MSH3: variants seen among roughly 807,000 people sequenced by gnomAD.
MSH3 encodes DNA mismatch repair protein Msh3.
A neutral mutation model predicts 123.3 loss-of-function variants in MSH3; 106 were observed. The ratio of observed to expected loss-of-function variants is 0.86; its 90% CI spans 0.73 to 1.01. The LOEUF (loss-of-function observed/expected upper bound fraction) is 1.01, where lower values mean the gene tolerates loss of function less well. MSH3 is among the 50% of genes least tolerant of loss of function. MSH3 has a pLI of 0.00. For missense variants in MSH3, 1,459 were observed against 1,347.6 expected (o/e 1.08, Z -1.29); for synonymous variants, 515 against 481.4 (o/e 1.07, Z -0.91).
intron 19 of MSH3, among the ~76,000 whole-genome samples, chr5:80,804,667 G>T (rs1744853224): frequency 1.3e-5 from 2 of 152,190 alleles, no homozygotes; most frequent in Non-Finnish European, 2.9e-5. Context: ...TAGAGCTGAG[G>T]GAGGGGTGAC....
intron 3 of MSH3, among the ~76,000 whole-genome samples, chr5:80,666,654 C>T (rs992630459): frequency 1.3e-5 from 2 of 152,136 alleles, no homozygotes; most frequent in Admixed American, 6.6e-5. Flanking sequence ...GAATGACCAA[C>T]TTGGCATGTC....
intron 21 of MSH3, among the ~76,000 whole-genome samples, chr5:80,858,133 T>A (rs535473813): frequency 1.3e-5 from 2 of 152,032 alleles, no homozygotes. Flanking sequence ...CAACCTCGAC[T>A]CCCTGGGCTC....
chr5:80,723,417 T>C (rs1751129729), intron 8 of MSH3, among the ~76,000 whole-genome samples: 1 of 152,224 alleles, frequency 6.6e-6, no homozygotes, highest in Admixed American at 6.5e-5. Flanking sequence ...GGAATGCTAA[T>C]TGCTGCTTTG....
At chr5:80,791,329 T>A (rs1744602876) in intron 18 of MSH3, among the ~76,000 whole-genome samples, 1 of 152,192 alleles carries the variant, frequency 6.6e-6, no homozygotes, top group South Asian at 2.1e-4. Context: ...TTAAAAGATT[T>A]CAAAAACTTC....
rs146510925 is a variant in MSH3 at position 80,813,976 on chromosome 5, C to G, written c.2813+235C>G. On this transcript the variant is annotated intron_variant, in intron 20 of 23. Transcript: ENST00000265081. ...AGGAGTTTGAGAGCAGCCTGGGCAA[C>G]ATGGCAAAACCCCATCTTGACAAAA... Among the ~76,000 whole-genome samples the G allele has an allele frequency of 1.5e-4, 23 of 152,006 alleles. No homozygotes were observed. In the East Asian group the frequency reaches 4.3e-3, roughly 28 times the overall value.
chr5:80,700,317 G>T (rs1251166884), intron 8 of MSH3, among the ~76,000 whole-genome samples: 1 of 152,116 alleles, frequency 6.6e-6, no homozygotes, highest in African/African-American at 2.4e-5. Context: ...GGAGGCAGAG[G>T]TTGCAGTGAG....
chr5:80,726,700 C>T (rs534609393), intron 9 of MSH3, among the ~76,000 whole-genome samples: 156 of 152,226 alleles, frequency 1.0e-3, no homozygotes, highest in Admixed American at 1.8e-3. Flanking sequence ...AACTCCTGGG[C>T]TCAAACGATC....
intron 15 of MSH3, among the ~76,000 whole-genome samples, chr5:80,774,763 A>C (rs1744270839): frequency 6.6e-6 from 1 of 152,198 alleles, no homozygotes; most frequent in Non-Finnish European, 1.5e-5. Flanking sequence ...TAAAAATTAA[A>C]ACAGTTGAAC....
intron 8 of MSH3, among the ~76,000 whole-genome samples, chr5:80,693,548 C>T (rs113333527): frequency 0.24 from 35,030 of 145,702 alleles, 4,318 homozygotes; most frequent in Middle Eastern, 0.32. Flanking sequence ...TATATATGCA[C>T]ATGTATGTGT....
At chr5:80,793,461 A>G (rs1744644031) in intron 19 of MSH3, among the ~76,000 whole-genome samples, 1 of 152,220 alleles carries the variant, frequency 6.6e-6, no homozygotes, top group Non-Finnish European at 1.5e-5. Flanking sequence ...AGTGCATGGC[A>G]TGATAGAGGA....
intron 12 of MSH3, among the ~76,000 whole-genome samples, chr5:80,744,904 C>G (rs1237428828): frequency 1.4e-5 from 2 of 142,260 alleles, no homozygotes; most frequent in Admixed American, 6.9e-5. Context: ...GAGTTGATAG[C>G]CAGAGGGAGT....
At chr5:80,766,556 G>A (rs1744128022) in intron 13 of MSH3, among the ~76,000 whole-genome samples, 1 of 151,960 alleles carries the variant, frequency 6.6e-6, no homozygotes, top group African/African-American at 2.4e-5. Context: ...TGTTGGTAGG[G>A]CTGGTCTCGA....
chr5:80,717,180 A>C (rs1580582228), intron 8 of MSH3, among the ~76,000 whole-genome samples: 1 of 152,202 alleles, frequency 6.6e-6, no homozygotes, highest in South Asian at 2.1e-4. Context: ...AAGAATGCAG[A>C]TATCTTTTTG....
intron 12 of MSH3, among the ~76,000 whole-genome samples, chr5:80,756,983 G>T (rs903719645): frequency 1.3e-5 from 2 of 152,118 alleles, no homozygotes; most frequent in Admixed American, 1.3e-4. Context: ...CTCGTTCTGT[G>T]CTGTCTTAAA....
At chr5:80,750,541 T>G (rs1580017288) in intron 12 of MSH3, among the ~76,000 whole-genome samples, 2 of 67,764 alleles carry the variant, frequency 3.0e-5, no homozygotes, top group Non-Finnish European at 4.0e-5. Flanking sequence ...GAATCGTCTA[T>G]TCAGACCTTT....
chr5:80,667,938 C>G (rs1395131871), intron 3 of MSH3, among the ~76,000 whole-genome samples: 1 of 152,302 alleles, frequency 6.6e-6, no homozygotes, highest in Admixed American at 6.5e-5. Context: ...TTTAGCCCTG[C>G]CATTCGGTGG....
chr5:80,788,263 A>G (rs1484339029), intron 18 of MSH3, among the ~76,000 whole-genome samples: 1 of 151,680 alleles, frequency 6.6e-6, no homozygotes. Context: ...GTGAAATCCC[A>G]TCTCTACTAA....
At chr5:80,829,376 T>G (rs973005603) in intron 20 of MSH3, among the ~76,000 whole-genome samples, 4 of 152,250 alleles carry the variant, frequency 2.6e-5, no homozygotes, top group African/African-American at 9.6e-5. Context: ...TAGGTTTTTT[T>G]GTGAATATTC....
intron 12 of MSH3, among the ~76,000 whole-genome samples, chr5:80,752,615 A>G (rs1012289495): frequency 2.0e-5 from 3 of 152,180 alleles, no homozygotes; most frequent in African/African-American, 7.2e-5. Flanking sequence ...ATGGGAATTA[A>G]CTACCTACCT....
Sources: gnomAD v4.1 joint callset for allele counts (sites outside exome capture counted in the v4.1 genomes callset) on GRCh38, gnomAD v4.1.1 for gene constraint, MANE v1.5 for transcripts, NCBI Gene and HGNC (gene_info 2026-07-23, HGNC 2026-07-21) for gene names.